FBXO15: variants seen among roughly 807,000 people sequenced by gnomAD.
The protein encoded by FBXO15 is F-box protein 15, also known as F-box only protein 15.
FBXO15 carries 30 observed loss-of-function variants against 49.5 expected under a neutral mutation model. The ratio of observed to expected loss-of-function variants is 0.61; its 90% CI spans 0.45 to 0.82. The LOEUF (loss-of-function observed/expected upper bound fraction) is 0.82, where lower values mean the gene tolerates loss of function less well. FBXO15 is among the 40% of genes least tolerant of loss of function. The pLI, the probability that FBXO15 is intolerant of heterozygous loss-of-function variation, is 0.00. For missense variants in FBXO15, 591 were observed against 631.5 expected, an observed-to-expected ratio of 0.94 and a Z score of 0.69; for synonymous variants, 250 against 232.7, an observed-to-expected ratio of 1.07 and a Z score of -0.68.
At chr18:74,090,880 G>C (rs189262126) in intron 8 of FBXO15, among the ~76,000 whole-genome samples, 19 of 152,274 alleles carry the variant, frequency 1.2e-4, no homozygotes, top group South Asian at 2.1e-4. Flanking sequence ...CGTATATTCT[G>C]TTGTTTTGGG....
chr18:74,130,736 C>G (rs149502166), intron 3 of FBXO15, 78 bp from the exon 4 acceptor site: 3 of 1,427,136 alleles, frequency 2.1e-6, no homozygotes, highest in Non-Finnish European at 2.8e-6. Flanking sequence ...ATTAGAGATG[C>G]ATATTTTCAA....
intron 8 of FBXO15, among the ~76,000 whole-genome samples, chr18:74,117,997 A>G (rs1914304401): frequency 6.7e-6 from 1 of 150,296 alleles, no homozygotes; most frequent in Non-Finnish European, 1.5e-5. Context: ...ACAGAATTCT[A>G]CATACATATT....
intron 5 of FBXO15, among the ~76,000 whole-genome samples, chr18:74,128,420 TC>T (rs1978299546): frequency 2.6e-5 from 4 of 151,270 alleles, no homozygotes; most frequent in African/African-American, 9.7e-5. Flanking sequence ...ATGTCAGATA[TC>T]ACAGTATCCT....
chr18:74,142,667 T>C lies in FBXO15; in HGVS notation c.117-2355A>G, dbSNP rs79486766. Among the ~76,000 whole-genome samples, 53 of 152,276 alleles carry C rather than the reference T, an allele frequency of 3.5e-4. 1 individual carries two copies. In the East Asian group the frequency reaches 5.8e-3, roughly 17 times the overall value. ...ATATCTGTCTCTGTGCCTCTTCTTATAAGGATATCATTCATATTGCACTTA... is the reference window on the plus strand; with the variant it reads ...ATATCTGTCTCTGTGCCTCTTCTTACAAGGATATCATTCATATTGCACTTA... On this transcript the variant is annotated intron_variant, in intron 1 of 9. Coordinates refer to ENST00000419743, the MANE Select transcript of FBXO15 (RefSeq NM_001142958.2).
intron 1 of FBXO15, among the ~76,000 whole-genome samples, chr18:74,144,486 G>A (rs113734640): frequency 0.018 from 2,715 of 152,168 alleles, 84 homozygotes; most frequent in African/African-American, 0.061. Flanking sequence ...CAATCCTTGA[G>A]ACTGGAGCAG....
In FBXO15 at chr18:74,140,300, C is replaced by A. The variant is rs564100560; in HGVS notation, c.129G>T (p.Gly43=). The change falls in exon 2 of 10, where the codon GGG becomes GGT. Residue 43 remains glycine, a synonymous_variant. Coordinates refer to ENST00000419743, the MANE Select transcript of FBXO15 (RefSeq NM_001142958.2). Reference sequence around the variant, plus strand: ...CAGCAGAGCCTGCAGAAAGCTTGACCCCTGGCCCCTTTCTGAAAGTAAATG... The same window carrying A: ...CAGCAGAGCCTGCAGAAAGCTTGACACCTGGCCCCTTTCTGAAAGTAAATG... The part of the protein sequence containing the change: ...ARAFGCRKGP[G]VKLSAGSAAL... 1.3e-6 allele frequency: 2 copies of A among 1,550,416 alleles called. No individual in the cohort carries two copies. Among genetic ancestry groups the A allele is most frequent in the Non-Finnish European group, 8.7e-7 (1 of 1,146,554 alleles).
chr18:74,146,156 A>T (rs1979397258), intron 1 of FBXO15, among the ~76,000 whole-genome samples: 1 of 152,222 alleles, frequency 6.6e-6, no homozygotes, highest in African/African-American at 2.4e-5. Context: ...AGCAGGTACA[A>T]ATTAAGCCAA....
At chr18:74,083,681 T>C (rs2145110218) in intron 8 of FBXO15, among the ~76,000 whole-genome samples, 1 of 152,288 alleles carries the variant, frequency 6.6e-6, no homozygotes, top group Middle Eastern at 3.4e-3. Context: ...TATTACCAGG[T>C]ATTCTCCCAC....
chr18:74,105,009 G>T (rs544751277), intron 8 of FBXO15, among the ~76,000 whole-genome samples: 2 of 152,276 alleles, frequency 1.3e-5, no homozygotes, highest in African/African-American at 4.8e-5. Flanking sequence ...CCTGTCATCT[G>T]CAGCAACATG....
In FBXO15 at chr18:74,126,229, C is replaced by T; in HGVS notation, c.786-128G>A. 3 of 1,274,182 alleles carry T rather than the reference C, an allele frequency of 2.4e-6. No homozygotes were observed. In the South Asian group the frequency reaches 4.2e-5, roughly 18 times the overall value. The allele number at this position is 1,274,182 out of a possible 1,614,324, so 78.9% of individuals were successfully genotyped here. A position where few individuals can be genotyped will look rare whatever the true frequency, so the allele number is the denominator to read the frequency against. On this transcript the variant is annotated intron_variant, in intron 5 of 9. Transcript: ENST00000419743. ...TTAATGATGTGCTCAAACTAAGTGG[C>T]ATGTTGGCAGGGTGAGGACACAAAT...
intron 1 of FBXO15, among the ~76,000 whole-genome samples, chr18:74,143,738 C>G (rs1456618023): frequency 6.6e-6 from 1 of 152,210 alleles, no homozygotes; most frequent in Non-Finnish European, 1.5e-5. Flanking sequence ...TGATGGCCTC[C>G]AGGTGTCTAT....
chr18:74,134,366 A>ATTTT (rs34748425), intron 3 of FBXO15, among the ~76,000 whole-genome samples: 9 of 119,254 alleles, frequency 7.5e-5, no homozygotes, highest in Non-Finnish European at 1.0e-4. Context: ...GACCTGGAGA[A>ATTTT]TTTTTTTTTT....
chr18:74,076,859 C>T (rs1016115287), intron 9 of FBXO15, among the ~76,000 whole-genome samples: 6 of 152,182 alleles, frequency 3.9e-5, no homozygotes, highest in Non-Finnish European at 8.8e-5. Flanking sequence ...GACCCTTCAC[C>T]CTTGAACACA....
chr18:74,102,185 G>T (rs1555677199), intron 8 of FBXO15, among the ~76,000 whole-genome samples: 1 of 152,008 alleles, frequency 6.6e-6, no homozygotes, highest in Non-Finnish European at 1.5e-5. Context: ...CTACAGAGTG[G>T]GGGAAAATCT....
At chr18:74,142,862 A>C (rs1363460996) in intron 1 of FBXO15, among the ~76,000 whole-genome samples, 1 of 152,240 alleles carries the variant, frequency 6.6e-6, no homozygotes, top group Non-Finnish European at 1.5e-5. Context: ...TTTGTAATAC[A>C]TTCTAAAATT....
In FBXO15 at chr18:74,129,491, C is replaced by A. The variant is rs755893773; in HGVS notation, c.699G>T (p.Trp233Cys). 6.2e-7 allele frequency: 1 copy of A among 1,613,876 alleles called. No individual in the cohort carries two copies. The highest frequency in any genetic ancestry group is 2.2e-5 in the East Asian group (1 of 44,848). The change falls in exon 5 of 10, where the codon TGG (tryptophan) becomes TGT (cysteine). Residue 233 changes from tryptophan (W) to cysteine (C), a missense_variant. By Grantham distance (215) the Trp-to-Cys change is radical (BLOSUM62 -2). Coordinates refer to ENST00000419743, the MANE Select transcript of FBXO15 (RefSeq NM_001142958.2). ...SVTVIWYGKK[W>C]PCLASLSTLD... ...AGGTTGACAATGATGCTAGGCATGGCCATTTTTTGCCATACCATATAACAG... is the reference window on the plus strand; with the variant it reads ...AGGTTGACAATGATGCTAGGCATGGACATTTTTTGCCATACCATATAACAG...
At position 74,130,485 on chromosome 18, in the gene FBXO15, G is replaced by T; in HGVS notation, c.506C>A (p.Ala169Glu). The change falls in exon 4 of 10, where the codon GCA becomes GAA. Residue 169 changes from alanine (A) to glutamate (E), a missense_variant. Ala to Glu is a moderately radical substitution (Grantham distance 107). Coordinates refer to ENST00000419743, the MANE Select transcript of FBXO15 (RefSeq NM_001142958.2). ...GACAGGTTTGAGAATGTCAGCTAGT[G>T]CGGCTTTTACAGATGCTATTTGTTT... ...ITKQIASVKA[A>E]LADILKPVNP... 1 of 1,614,166 alleles carries T rather than the reference G, an allele frequency of 6.2e-7. No individual in the cohort carries two copies. The highest frequency in any genetic ancestry group is 8.5e-7 in the Non-Finnish European group (1 of 1,180,012).
chr18:74,103,443 A>G (rs1322914508), intron 8 of FBXO15, among the ~76,000 whole-genome samples: 1 of 152,060 alleles, frequency 6.6e-6, no homozygotes, highest in Non-Finnish European at 1.5e-5. Flanking sequence ...AAGAACAAGT[A>G]GTAGAAATCT....
At chr18:74,129,892 T>C (rs756397130) in intron 4 of FBXO15, among the ~76,000 whole-genome samples, 36 of 152,196 alleles carry the variant, frequency 2.4e-4, no homozygotes, top group Non-Finnish European at 5.0e-4. Flanking sequence ...AACATTCTTA[T>C]TGTACTATAG....
Sources: allele counts gnomAD v4.1 joint callset (sites outside exome capture counted in the v4.1 genomes callset), GRCh38; gene constraint gnomAD v4.1.1; transcripts MANE v1.5; gene names NCBI Gene and HGNC (gene_info 2026-07-23, HGNC 2026-07-21).